CALN1: variants seen among roughly 807,000 people sequenced by gnomAD.
CALN1 encodes calcium-binding protein 8.
CALN1 carries 17 observed loss-of-function variants against 30.6 expected under a neutral mutation model. That is an observed-to-expected ratio of 0.56 (90% CI 0.38 to 0.83). CALN1 has a LOEUF of 0.83. Ranked by LOEUF, CALN1 falls within the 40% of genes least tolerant of loss-of-function variation. The pLI is 0.00. For missense variants in CALN1, 291 were observed against 354.9 expected, an observed-to-expected ratio of 0.82 and a Z score of 1.45; for synonymous variants, 156 against 131.4, an observed-to-expected ratio of 1.19 and a Z score of -1.28.
chr7:71,989,112 TA>T (rs751046952), intron 5 of CALN1, among the ~76,000 whole-genome samples: 1 of 151,876 alleles, frequency 6.6e-6, no homozygotes, highest in Non-Finnish European at 1.5e-5. Context: ...CACAAAGAAA[TA>T]AAAAAGATAG....
chr7:72,478,218 T>C, the CALN1 span, among the ~76,000 whole-genome samples: 3 of 149,552 alleles, frequency 2.0e-5, no homozygotes, highest in Non-Finnish European at 4.4e-5. Flanking sequence ...CTACAAAATA[T>C]ACATATGTAT....
At chr7:72,225,969 A>G (rs1404482655) in intron 3 of CALN1, among the ~76,000 whole-genome samples, 1 of 151,650 alleles carries the variant, frequency 6.6e-6, no homozygotes, top group Non-Finnish European at 1.5e-5. Flanking sequence ...GGTGGCACAC[A>G]CCTGTAGTCC....
chr7:71,790,367 GA>G (rs370774626), intron 6 of CALN1, among the ~76,000 whole-genome samples: 30,762 of 96,698 alleles, frequency 0.32, 4,189 homozygotes, highest in East Asian at 0.4. Context: ...AAGAAAGAAA[GA>G]AAAGAAAGAA....
upstream of CALN1, among the ~76,000 whole-genome samples, chr7:72,450,747 G>A (rs1053346137): frequency 2.0e-5 from 3 of 152,116 alleles, no homozygotes; most frequent in Non-Finnish European, 4.4e-5. Flanking sequence ...GGGCATGGTG[G>A]TGCATGCCTG....
chr7:72,263,844 A>T (rs1796435769), intron 3 of CALN1, among the ~76,000 whole-genome samples: 1 of 152,188 alleles, frequency 6.6e-6, no homozygotes, highest in African/African-American at 2.4e-5. Flanking sequence ...TAAGCATGAT[A>T]TATTTAGGCA....
At chr7:71,853,834 C>G (rs117633984) in intron 5 of CALN1, among the ~76,000 whole-genome samples, 1 of 152,094 alleles carries the variant, frequency 6.6e-6, no homozygotes, top group Non-Finnish European at 1.5e-5. Flanking sequence ...CCCACCTCGG[C>G]GTTCCAAAGT....
chr7:72,399,096 G>A (rs1328150007), intron 2 of CALN1, among the ~76,000 whole-genome samples: 1 of 152,090 alleles, frequency 6.6e-6, no homozygotes, highest in Non-Finnish European at 1.5e-5. Flanking sequence ...ACCTCCTCCA[G>A]ATGCATTGAG....
intron 5 of CALN1, among the ~76,000 whole-genome samples, chr7:71,926,745 G>A (rs1032221378): frequency 6.6e-5 from 10 of 151,926 alleles, no homozygotes; most frequent in Non-Finnish European, 1.3e-4. Flanking sequence ...TCACCTTTAA[G>A]TTCATAAATT....
chr7:71,926,968 T>C (rs1257521211), intron 5 of CALN1, among the ~76,000 whole-genome samples: 1 of 152,222 alleles, frequency 6.6e-6, no homozygotes, highest in African/African-American at 2.4e-5. Flanking sequence ...AACGTCTTTG[T>C]CATCTTTGAG....
intron 2 of CALN1, among the ~76,000 whole-genome samples, chr7:72,320,249 G>A (rs944904085): frequency 6.6e-6 from 1 of 152,128 alleles, no homozygotes; most frequent in Non-Finnish European, 1.5e-5. Flanking sequence ...CTAGGACGGC[G>A]GGCTAGGACC....
intron 3 of CALN1, among the ~76,000 whole-genome samples, chr7:72,206,069 C>T (rs1250050761): frequency 6.6e-6 from 1 of 152,130 alleles, no homozygotes; most frequent in Non-Finnish European, 1.5e-5. Flanking sequence ...AAAGTGAATC[C>T]TCAATATCTG....
intron 5 of CALN1, among the ~76,000 whole-genome samples, chr7:71,956,523 C>CTT (rs1796972003): frequency 1.4e-5 from 2 of 143,752 alleles, no homozygotes; most frequent in South Asian, 4.4e-4. Flanking sequence ...GGGAGGGTGT[C>CTT]GTTATGTTGC....
At chr7:71,866,400 C>T (rs1584403505) in intron 5 of CALN1, among the ~76,000 whole-genome samples, 1 of 151,832 alleles carries the variant, frequency 6.6e-6, no homozygotes, top group Non-Finnish European at 1.5e-5. Context: ...GTATATTATG[C>T]AATATACATA....
chr7:71,940,548 G>GA (rs1161681483), intron 5 of CALN1, among the ~76,000 whole-genome samples: 1 of 152,238 alleles, frequency 6.6e-6, no homozygotes, highest in African/African-American at 2.4e-5. Context: ...CCAATACCAT[G>GA]AAACAGCTGT....
At chr7:72,053,517 A>G (rs1380573078) in intron 4 of CALN1, among the ~76,000 whole-genome samples, 1 of 150,578 alleles carries the variant, frequency 6.6e-6, no homozygotes, top group East Asian at 1.9e-4. Flanking sequence ...ACTGATTTAC[A>G]CTCCCACCAA....
At chr7:71,814,982 C>G (rs1032301612) in intron 5 of CALN1, among the ~76,000 whole-genome samples, 1 of 151,844 alleles carries the variant, frequency 6.6e-6, no homozygotes, top group Non-Finnish European at 1.5e-5. Context: ...TACAGGTGCC[C>G]GCCACCACGC....
At chr7:71,947,478 G>T (rs910540324) in intron 5 of CALN1, among the ~76,000 whole-genome samples, 3 of 152,182 alleles carry the variant, frequency 2.0e-5, no homozygotes, top group Admixed American at 6.5e-5. Flanking sequence ...ATGGAAGCCA[G>T]AGACTCTCTA....
At chr7:72,120,047 C>T (rs988530628) in intron 3 of CALN1, among the ~76,000 whole-genome samples, 2 of 152,066 alleles carry the variant, frequency 1.3e-5, no homozygotes, top group Non-Finnish European at 2.9e-5. Context: ...GCAAGAATGA[C>T]GCTGTCACCC....
At chr7:72,151,482 G>A (rs1465081073) in intron 3 of CALN1, among the ~76,000 whole-genome samples, 1 of 152,042 alleles carries the variant, frequency 6.6e-6, no homozygotes, top group Non-Finnish European at 1.5e-5. Context: ...TGTACTTGAG[G>A]GTTGGGGCGC....
Sources: allele counts gnomAD v4.1 joint callset (sites outside exome capture counted in the v4.1 genomes callset), GRCh38; gene constraint gnomAD v4.1.1; transcripts MANE v1.5; gene names NCBI Gene and HGNC (gene_info 2026-07-23, HGNC 2026-07-21).